The following SLC6A6 variants were observed in gnomAD, a reference collection of about 807,000 sequenced individuals.
The protein encoded by SLC6A6 is sodium- and chloride-dependent taurine transporter.
SLC6A6 carries 16 observed loss-of-function variants against 68.8 expected under a neutral mutation model. The ratio of observed to expected loss-of-function variants is 0.23; its 90% CI spans 0.16 to 0.35. The LOEUF is 0.35. SLC6A6 is among the 10% of genes least tolerant of loss of function. SLC6A6 has a pLI of 1.00. For synonymous variants in SLC6A6, 312 were observed against 315.4 expected (o/e 0.99, Z 0.12); for missense variants, 474 against 802.8 (o/e 0.59, Z 4.95).
intron 2 of SLC6A6, among the ~76,000 whole-genome samples, chr3:14,441,210 G>A (rs1373858761): frequency 6.6e-6 from 1 of 152,114 alleles, no homozygotes; most frequent in Non-Finnish European, 1.5e-5. Context: ...AGCTGCCAAT[G>A]AGGTCATGAG....
chr3:14,456,939 T>A (rs7613959), intron 5 of SLC6A6, among the ~76,000 whole-genome samples: 1 of 152,150 alleles, frequency 6.6e-6, no homozygotes, highest in Non-Finnish European at 1.5e-5. Flanking sequence ...GGCCGATGTC[T>A]CTGTTCTCAG....
intron 5 of SLC6A6, among the ~76,000 whole-genome samples, chr3:14,454,627 C>T (rs185762574): frequency 2.0e-5 from 3 of 152,312 alleles, no homozygotes; most frequent in East Asian, 3.9e-4. Flanking sequence ...TGATGAGATA[C>T]ATTGGTTTCA....
chr3:14,446,978 ACTATCCATCCATTTTCCATCCAT>A (rs1700137142), intron 4 of SLC6A6, among the ~76,000 whole-genome samples: 2 of 152,116 alleles, frequency 1.3e-5, no homozygotes, highest in Non-Finnish European at 2.9e-5. Context: ...CAGTAATTAG[ACTATCCATCCATTTTCCATCCAT>A]CTATCCATCT....
chr3:14,485,315 TA>T lies in SLC6A6; in HGVS notation c.*309del, dbSNP rs890031460. ...TGGGAATTTGGTAAATTTTTCTTTGTATTTTTTTTTTTACATATAAGTATAT... is the reference window on the plus strand; with the variant it reads ...TGGGAATTTGGTAAATTTTTCTTTGTTTTTTTTTTTTACATATAAGTATAT... On this transcript the variant is annotated 3_prime_UTR_variant, in exon 15 of 15. Coordinates refer to ENST00000622186, the MANE Select transcript of SLC6A6 (RefSeq NM_003043.6). 6 of 225,996 alleles carry T rather than the reference TA, an allele frequency of 2.7e-5. No homozygotes were observed. Among genetic ancestry groups the T allele is most frequent in the Non-Finnish European group, 5.2e-5 (6 of 115,656 alleles). The allele number at this position is 225,996 out of a possible 1,614,324, so 14.0% of individuals were successfully genotyped here.
intron 3 of SLC6A6, 28 bp downstream of exon 3, chr3:14,443,891 C>A: frequency 6.6e-7 from 1 of 1,512,266 alleles, no homozygotes; most frequent in Non-Finnish European, 9.2e-7. Context: ...CACAGGGGAG[C>A]CCATCCAGTA....
At position 14,477,216 on chromosome 3, in the gene SLC6A6, T is replaced by G. The variant is rs2124994194; in HGVS notation, c.1221T>G (p.Val407=). The G allele has an allele frequency of 6.2e-7, 1 of 1,613,132 alleles. No individual in the cohort carries two copies. The highest frequency in any genetic ancestry group is 8.5e-7 in the Non-Finnish European group (1 of 1,179,590). The change falls in exon 11 of 15, where the codon GTT becomes GTG. Residue 407 remains valine, a synonymous_variant. Transcript: ENST00000622186. The surrounding 1 kb of genome is among the most constrained non-coding windows in gnomAD (Gnocchi z 4.2). ...CTTCCCCTCCTCAGTTTGTTGAAGT[T>G]GAAGGACAGATCACATCCTTGGTTG... ...LLGLDSQFVE[V]EGQITSLVDL...
intron 6 of SLC6A6, among the ~76,000 whole-genome samples, chr3:14,462,110 C>G (rs1294339603): frequency 3.9e-5 from 6 of 152,346 alleles, no homozygotes; most frequent in South Asian, 4.1e-4. Context: ...GCTGGGCCAC[C>G]ACCAGAGGCC....
At chr3:14,454,518 T>G (rs1700326781) in intron 5 of SLC6A6, among the ~76,000 whole-genome samples, 1 of 152,072 alleles carries the variant, frequency 6.6e-6, no homozygotes, top group Non-Finnish European at 1.5e-5. Flanking sequence ...GGGGCCTGCC[T>G]GAGATTCAGC....
rs1462844278 is a variant in SLC6A6, at chr3:14,481,733, C to T, written c.1614C>T (p.Tyr538=). ...TGACCTACAACAAAACATACGTGTA[C>T]CCCAACTGGGCCATTGGGCTGGGCT... ...VPLTYNKTYV[Y]PNWAIGLGWS... is the part of the protein sequence containing the mutation. The change falls in exon 14 of 15, where the codon TAC becomes TAT. Residue 538 remains tyrosine (Y), a synonymous_variant. Coordinates refer to ENST00000622186, the MANE Select transcript of SLC6A6 (RefSeq NM_003043.6). The surrounding 1 kb of genome is among the most constrained non-coding windows in gnomAD (Gnocchi z 4.7). 3.1e-6 allele frequency: 5 copies of T among 1,613,616 alleles called. No homozygotes were observed. In the African/African-American group the frequency reaches 4.0e-5, roughly 13 times the overall value.
intron 10 of SLC6A6, among the ~76,000 whole-genome samples, chr3:14,474,844 T>C (rs1700836474): frequency 6.6e-6 from 1 of 152,222 alleles, no homozygotes; most frequent in Non-Finnish European, 1.5e-5. Flanking sequence ...CCCGCTGATG[T>C]TATTGCGTCC....
At chr3:14,422,985 C>T (rs762691037) in intron 2 of SLC6A6, among the ~76,000 whole-genome samples, 7 of 152,190 alleles carry the variant, frequency 4.6e-5, no homozygotes, top group Non-Finnish European at 8.8e-5. Flanking sequence ...ACTGGGGACC[C>T]AGAGAGACCA....
chr3:14,424,121 C>T (rs1331784914), intron 2 of SLC6A6, among the ~76,000 whole-genome samples: 2 of 152,086 alleles, frequency 1.3e-5, no homozygotes, highest in South Asian at 4.1e-4. Context: ...GAGTGTTTGA[C>T]GTTAGGGGAA....
chr3:14,428,867 G>A (rs73815276), intron 2 of SLC6A6, among the ~76,000 whole-genome samples: 31 of 152,316 alleles, frequency 2.0e-4, no homozygotes, highest in African/African-American at 7.5e-4. Flanking sequence ...TGCCTCCACT[G>A]GAGAAAGTGA....
intron 2 of SLC6A6, among the ~76,000 whole-genome samples, chr3:14,434,159 C>T (rs1345501691): frequency 6.6e-6 from 1 of 152,228 alleles, no homozygotes; most frequent in East Asian, 1.9e-4. Context: ...TGGCTAAAAG[C>T]TTGTTCCCTA....
chr3:14,483,013 C>G (rs1363227906), intron 14 of SLC6A6, among the ~76,000 whole-genome samples: 2 of 152,224 alleles, frequency 1.3e-5, no homozygotes, highest in East Asian at 1.9e-4. Flanking sequence ...CAAGGGGTCT[C>G]TAAAGGTTCT....
chr3:14,463,871 C>T (rs1293356689), intron 6 of SLC6A6, among the ~76,000 whole-genome samples: 1 of 152,206 alleles, frequency 6.6e-6, no homozygotes, highest in African/African-American at 2.4e-5. Context: ...GAGAGCCATC[C>T]TGACAGTGCC....
intron 3 of SLC6A6, chr3:14,444,712 G>C (rs1320702402): frequency 4.4e-6 from 2 of 456,406 alleles, no homozygotes; most frequent in Non-Finnish European, 8.8e-6. Context: ...TTTTCCCTTA[G>C]AGCCTGGTTT....
In SLC6A6 at chr3:14,470,674, C is replaced by CA. The variant is rs1700731445; in HGVS notation, c.1097-1530dup. ...GATTCCTCATTCAGTGTGGACCAGTCAGGGCCAACGCTGATGTTCTGTAGG... is the reference window on the plus strand; with the variant it reads ...GATTCCTCATTCAGTGTGGACCAGTCAAGGGCCAACGCTGATGTTCTGTAGG... On this transcript the variant is annotated intron_variant, in intron 9 of 14. Transcript: ENST00000622186. Among the ~76,000 whole-genome samples the CA allele has an allele frequency of 2.0e-5, 3 of 152,158 alleles. No individual in the cohort carries two copies. In the South Asian group the frequency reaches 6.2e-4, roughly 32 times the overall value.
intron 1 of SLC6A6, among the ~76,000 whole-genome samples, chr3:14,415,277 C>CT (rs1699337500): frequency 2.6e-5 from 4 of 152,224 alleles, no homozygotes; most frequent in Admixed American, 2.6e-4. Flanking sequence ...CAGTGTGAGC[C>CT]TGTTGAATGT....
Sources: gnomAD v4.1 joint callset for allele counts (sites outside exome capture counted in the v4.1 genomes callset) on GRCh38, gnomAD v4.1.1 for gene constraint, Gnocchi (gnomAD v3.1) non-coding constraint, MANE v1.5 for transcripts, NCBI Gene and HGNC (gene_info 2026-07-23, HGNC 2026-07-21) for gene names.